PCDHGC3: variants seen among roughly 807,000 people sequenced by gnomAD.
PCDHGC3 encodes protocadherin gamma subfamily C, 3, also known as protocadherin gamma-C3.
Under a neutral mutation model 59.2 loss-of-function variants are expected in PCDHGC3, and 26 were observed. The observed-to-expected ratio is 0.44, with a 90% confidence interval of 0.32 to 0.61. The LOEUF is 0.61. PCDHGC3 is among the 20% of genes least tolerant of loss of function. PCDHGC3 has a pLI of 0.05. For synonymous variants in PCDHGC3, 487 were observed against 519.7 expected (o/e 0.94, Z 0.86); for missense variants, 1,080 against 1,221.8 (o/e 0.88, Z 1.73).
intron 2 of PCDHGC3, among the ~76,000 whole-genome samples, chr5:141,501,200 G>A (rs888856586): frequency 1.3e-5 from 2 of 151,854 alleles, no homozygotes; most frequent in African/African-American, 4.8e-5. Context: ...AATTCAGGGT[G>A]TTGTCAGGGT....
rs369942815 is a variant in PCDHGC3, at chr5:141,485,334, T to A, written c.2430+6788T>A. 5.4e-5 allele frequency: 87 copies of A among 1,614,056 alleles called. No individual in the cohort carries two copies. Among genetic ancestry groups the A allele is most frequent in the Non-Finnish European group, 7.0e-5 (83 of 1,180,026 alleles). On this transcript the variant is annotated intron_variant, in intron 1 of 3. Coordinates refer to ENST00000308177, the MANE Select transcript of PCDHGC3 (RefSeq NM_002588.4). The surrounding 1 kb of genome is among the most constrained non-coding windows in gnomAD (Gnocchi z 5.7). Reference sequence around the variant, plus strand: ...GGGAATGTCGCTCAAGATTTCCTGCTGGATACGGACAGTCTGTCAGCTCGC... The same window carrying A: ...GGGAATGTCGCTCAAGATTTCCTGCAGGATACGGACAGTCTGTCAGCTCGC...
Position 141,493,685 on chromosome 5 carries a change from G to A in PCDHGC3, c.2431-1122G>A, listed in dbSNP as rs139973755. ...CCATGGCAGCCCCAGAATGGTGCTG[G>A]TGACTCCCGATACACCTGGAATGCT... On this transcript the variant is annotated intron_variant, in intron 1 of 3. Transcript: ENST00000308177. The surrounding 1 kb of genome is among the most constrained non-coding windows in gnomAD (Gnocchi z 4.3). 1.1e-3 allele frequency among the ~76,000 whole-genome samples: 165 copies of A among 152,282 alleles called. 3 individuals carry two copies. The highest frequency in any genetic ancestry group is 8.2e-3 in the Admixed American group (125 of 15,298).
intron 1 of PCDHGC3, 36 bp downstream of exon 1, chr5:141,478,582 G>T: frequency 1.3e-6 from 2 of 1,579,988 alleles, no homozygotes; most frequent in Non-Finnish European, 1.7e-6. Context: ...CCCTGTTAGT[G>T]CTTTTTTATT....
At chr5:141,481,795 T>C (rs2154579318) in intron 1 of PCDHGC3, among the ~76,000 whole-genome samples, 1 of 150,244 alleles carries the variant, frequency 6.7e-6, no homozygotes, top group South Asian at 2.1e-4. Context: ...CTACTAAAAA[T>C]ACAAAAATTC....
intron 3 of PCDHGC3, 89 bp downstream of exon 3, chr5:141,505,570 C>G: frequency 6.3e-7 from 1 of 1,598,162 alleles, no homozygotes; most frequent in Admixed American, 1.7e-5. Context: ...GACTGGATGT[C>G]AAACCTGTGT....
chr5:141,478,671 A>G (rs996413401), intron 1 of PCDHGC3, 125 bp downstream of exon 1: 19 of 1,551,538 alleles, frequency 1.2e-5, no homozygotes, highest in Non-Finnish European at 1.7e-5. Context: ...TCACACTTTC[A>G]ACTGGCCCTT....
intron 3 of PCDHGC3, among the ~76,000 whole-genome samples, chr5:141,506,877 G>A (rs998146154): frequency 1.3e-5 from 2 of 152,142 alleles, no homozygotes; most frequent in Non-Finnish European, 2.9e-5. Flanking sequence ...AGAGAACCAG[G>A]TGAAATCACA....
chr5:141,486,287 A>G lies in PCDHGC3; in HGVS notation c.2430+7741A>G, dbSNP rs1484787777. Reference sequence around the variant, plus strand: ...AGAACCTGGCACTGTGGTGGCACTTATCAGTGTGCAGGATCCAGACTCAGG... The same window carrying G: ...AGAACCTGGCACTGTGGTGGCACTTGTCAGTGTGCAGGATCCAGACTCAGG... On this transcript the variant is annotated intron_variant, in intron 1 of 3. Transcript: ENST00000308177. The surrounding 1 kb of genome is among the most constrained non-coding windows in gnomAD (Gnocchi z 5.0). 1 of 1,613,912 alleles carries G rather than the reference A, an allele frequency of 6.2e-7. No homozygotes were observed. The highest frequency in any genetic ancestry group is 8.5e-7 in the Non-Finnish European group (1 of 1,179,970).
chr5:141,487,435 A>G lies in PCDHGC3; in HGVS notation c.2431-7372A>G, dbSNP rs776328527. On this transcript the variant is annotated intron_variant, in intron 1 of 3. Transcript: ENST00000308177. The surrounding 1 kb of genome is among the most constrained non-coding windows in gnomAD (Gnocchi z 5.0). ...CCAATGGGATCCTCCGAATCCAGCT[A>G]GGGTCAGATGACCCTATCAAGTTTG... 3.7e-6 allele frequency: 6 copies of G among 1,614,164 alleles called. No individual in the cohort carries two copies. In the South Asian group the frequency reaches 6.6e-5, roughly 18 times the overall value.
chr5:141,497,693 C>T (rs2099778709), intron 2 of PCDHGC3, among the ~76,000 whole-genome samples: 2 of 152,136 alleles, frequency 1.3e-5, no homozygotes, highest in Admixed American at 6.5e-5. Context: ...GTGTGCACCA[C>T]CACACCCAGC....
chr5:141,487,429 C>A lies in PCDHGC3; in HGVS notation c.2431-7378C>A. 1 of 1,614,162 alleles carries A rather than the reference C, an allele frequency of 6.2e-7. No individual in the cohort carries two copies. Among genetic ancestry groups the A allele is most frequent in the Non-Finnish European group, 8.5e-7 (1 of 1,180,018 alleles). On this transcript the variant is annotated intron_variant, in intron 1 of 3. Transcript: ENST00000308177. The surrounding 1 kb of genome is among the most constrained non-coding windows in gnomAD (Gnocchi z 5.0). ...CCCCTTCCAATGGGATCCTCCGAAT[C>A]CAGCTAGGGTCAGATGACCCTATCA...
rs994009107 is a variant in PCDHGC3 at position 141,490,364 on chromosome 5, G to A, written c.2431-4443G>A. ...ACAGTAGTGGGGTTGTTTAATGTGC[G>A]AGACCGGGACTCAGGTAGAAATGGT... On this transcript the variant is annotated intron_variant, in intron 1 of 3. Transcript: ENST00000308177. The surrounding 1 kb of genome is among the most constrained non-coding windows in gnomAD (Gnocchi z 5.4). 7 of 1,614,056 alleles carry A rather than the reference G, an allele frequency of 4.3e-6. No individual in the cohort carries two copies. In the African/African-American group the frequency reaches 5.3e-5, roughly 12 times the overall value.
Position 141,485,072 on chromosome 5 carries a change from G to C in PCDHGC3, c.2430+6526G>C. 1.1e-6 allele frequency: 1 copy of C among 917,012 alleles called. No individual in the cohort carries two copies. The highest frequency in any genetic ancestry group is 1.7e-6 in the Non-Finnish European group (1 of 587,880). 56.8% of individuals were successfully genotyped at this position (917,012 alleles called of 1,614,324 possible). On this transcript the variant is annotated intron_variant, in intron 1 of 3. Coordinates refer to ENST00000308177, the MANE Select transcript of PCDHGC3 (RefSeq NM_002588.4). The surrounding 1 kb of genome is among the most constrained non-coding windows in gnomAD (Gnocchi z 5.7). ...CCGGCCGAACCGCGCCAGAGCTGGCGCGGGGAAAGGGAGATAGGTGTCTCC... is the reference window on the plus strand; with the variant it reads ...CCGGCCGAACCGCGCCAGAGCTGGCCCGGGGAAAGGGAGATAGGTGTCTCC...
At chr5:141,509,551 C>T (rs2099877337) in intron 3 of PCDHGC3, among the ~76,000 whole-genome samples, 1 of 152,164 alleles carries the variant, frequency 6.6e-6, no homozygotes, top group South Asian at 2.1e-4. Context: ...CTCATTTAGT[C>T]CTCACAGCAG....
rs1345800081 is a variant in PCDHGC3, at chr5:141,485,453, G to A, written c.2430+6907G>A. 1 of 1,614,176 alleles carries A rather than the reference G, an allele frequency of 6.2e-7. No homozygotes were observed. The highest frequency in any genetic ancestry group is 8.5e-7 in the Non-Finnish European group (1 of 1,180,036). On this transcript the variant is annotated intron_variant, in intron 1 of 3. Transcript: ENST00000308177. The surrounding 1 kb of genome is among the most constrained non-coding windows in gnomAD (Gnocchi z 5.7). ...CATCAAGAACCCAATCGACCGAGAG[G>A]CACTGTGTGGGCTCAGTGCCAGCTG...
At position 141,512,091 on chromosome 5, in the gene PCDHGC3, A is replaced by C. The variant is rs1329025049; in HGVS notation, c.*918A>C. On this transcript the variant is annotated 3_prime_UTR_variant, in exon 4 of 4. Transcript: ENST00000308177. The stretch of plus-strand genomic sequence containing the variant: ...TCCAGATTCCAGCCATAAACCAATA[A>C]CTAGGCTGGACCCTTCCCACTACAT... 1 of 152,656 alleles carries C rather than the reference A, an allele frequency of 6.6e-6. No homozygotes were observed. The highest frequency in any genetic ancestry group is 2.4e-5 in the African/African-American group (1 of 41,456). 9.5% of individuals were successfully genotyped at this position (152,656 alleles called of 1,614,324 possible). A position where few individuals can be genotyped will look rare whatever the true frequency, so the allele number is the denominator to read the frequency against.
At position 141,490,456 on chromosome 5, in the gene PCDHGC3, C is replaced by G. The variant is rs370141879; in HGVS notation, c.2431-4351C>G. On this transcript the variant is annotated intron_variant, in intron 1 of 3. Transcript: ENST00000308177. The surrounding 1 kb of genome is among the most constrained non-coding windows in gnomAD (Gnocchi z 5.4). The stretch of plus-strand genomic sequence containing the variant: ...TAAGCCTTCTGAGAACCACTACTCG[C>G]TGCTAACCAGCCAGCCTTTGGACCG... 3.7e-6 allele frequency: 6 copies of G among 1,614,114 alleles called. No individual in the cohort carries two copies. Among genetic ancestry groups the G allele is most frequent in the Non-Finnish European group, 5.1e-6 (6 of 1,180,058 alleles).
chr5:141,498,578 G>T (rs1404493166), intron 2 of PCDHGC3, among the ~76,000 whole-genome samples: 1 of 152,048 alleles, frequency 6.6e-6, no homozygotes, highest in African/African-American at 2.4e-5. Flanking sequence ...CTAGTATTGA[G>T]TTCTTCAGTA....
rs1317717658 is a variant in PCDHGC3, at chr5:141,476,494, G to A, written c.378G>A (p.Gln126=). Residue 126 remains glutamine, a synonymous_variant, in exon 1 of 4, where the codon CAG becomes CAA. Coordinates refer to ENST00000308177, the MANE Select transcript of PCDHGC3 (RefSeq NM_002588.4). The surrounding 1 kb of genome is among the most constrained non-coding windows in gnomAD (Gnocchi z 7.6). ...TGTTCAGCGTGGAAGTGGTGATCCA[G>A]GACATCAACGACAACAATCCTGCTT... ...LELFSVEVVI[Q]DINDNNPAFP... The A allele has an allele frequency of 6.2e-7, 1 of 1,614,012 alleles. No individual in the cohort carries two copies. The highest frequency in any genetic ancestry group is 8.5e-7 in the Non-Finnish European group (1 of 1,179,988).
Sources: gnomAD v4.1 joint callset for allele counts (sites outside exome capture counted in the v4.1 genomes callset) on GRCh38, gnomAD v4.1.1 for gene constraint, Gnocchi (gnomAD v3.1) non-coding constraint, MANE v1.5 for transcripts, NCBI Gene and HGNC (gene_info 2026-07-23, HGNC 2026-07-21) for gene names.